IL10RB: variants seen among roughly 807,000 people sequenced by gnomAD.
IL10RB encodes the protein interleukin-10 receptor subunit beta.
IL10RB carries 30 observed loss-of-function variants against 38.7 expected under a neutral mutation model. The observed-to-expected ratio is 0.78, with a 90% confidence interval of 0.58 to 1.05. The LOEUF is 1.05. IL10RB is among the 50% of genes least tolerant of loss of function. The probability of loss-of-function intolerance (pLI) is 0.00; values close to 1 mark genes in which losing one functional copy is unlikely to be tolerated. For synonymous variants in IL10RB, 142 were observed against 145.9 expected (o/e 0.97, Z 0.19); for missense variants, 328 against 397.1 (o/e 0.83, Z 1.48).
intron 3 of IL10RB, among the ~76,000 whole-genome samples, chr21:33,279,205 C>T (rs1311822040): frequency 6.6e-6 from 1 of 152,066 alleles, no homozygotes; most frequent in Admixed American, 6.6e-5. Context: ...AGCATTTGAG[C>T]AGAGACCCAT....
At chr21:33,275,713 C>G (rs1989158418) in intron 2 of IL10RB, among the ~76,000 whole-genome samples, 1 of 152,242 alleles carries the variant, frequency 6.6e-6, no homozygotes, top group Non-Finnish European at 1.5e-5. Flanking sequence ...CTGTTTGGCC[C>G]AAGGGGCCTG....
intron 1 of IL10RB, among the ~76,000 whole-genome samples, chr21:33,307,669 T>C (rs2083002097): frequency 6.6e-6 from 1 of 152,224 alleles, no homozygotes. Context: ...TCCCTAAGCA[T>C]GGAACACTTT....
At chr21:33,282,691 C>T (rs974086208) in intron 4 of IL10RB, among the ~76,000 whole-genome samples, 9 of 152,070 alleles carry the variant, frequency 5.9e-5, no homozygotes, top group African/African-American at 2.2e-4. Flanking sequence ...TCAAGCGATT[C>T]TCGTGCGCCA....
At chr21:33,303,571 T>G (rs1157799075) in intron 1 of IL10RB, among the ~76,000 whole-genome samples, 1 of 152,170 alleles carries the variant, frequency 6.6e-6, no homozygotes, top group Non-Finnish European at 1.5e-5. Flanking sequence ...GCCAGGCTGG[T>G]ATCGAACTCC....
Position 33,288,199 on chromosome 21 carries a change from G to T in IL10RB, c.742G>T (p.Val248Phe). Residue 248 changes from valine (V) to phenylalanine (F), a missense_variant, in exon 6 of 7, where the codon GTT (valine) becomes TTT (phenylalanine). Coordinates refer to ENST00000290200, the MANE Select transcript of IL10RB (RefSeq NM_000628.5). The part of the protein sequence containing the change: ...LLGCFALLWC[V>F]YKKTKYAFSP... Reference sequence around the variant, plus strand: ...CGGCTGCTTCGCCTTGCTGTGGTGCGTTTACAAGAAGACAAAGTACGCCTT... The same window carrying T: ...CGGCTGCTTCGCCTTGCTGTGGTGCTTTTACAAGAAGACAAAGTACGCCTT... 6.2e-7 allele frequency: 1 copy of T among 1,613,998 alleles called. No homozygotes were observed.
At chr21:33,291,742 T>C (rs1989491918) in intron 6 of IL10RB, among the ~76,000 whole-genome samples, 1 of 152,126 alleles carries the variant, frequency 6.6e-6, no homozygotes, top group Non-Finnish European at 1.5e-5. Flanking sequence ...TCCAGAGTGG[T>C]GCAAGAGTCG....
intron 6 of IL10RB, among the ~76,000 whole-genome samples, chr21:33,295,503 C>G (rs1464836061): frequency 6.6e-6 from 1 of 151,056 alleles, no homozygotes; most frequent in African/African-American, 2.4e-5. Flanking sequence ...GAAACCCCAT[C>G]TCTACTAAAA....
chr21:33,295,357 G>GA (rs59137986), intron 6 of IL10RB, among the ~76,000 whole-genome samples: 697 of 55,566 alleles, frequency 0.013, 5 homozygotes, highest in South Asian at 0.024. Context: ...GACTCCGTCT[G>GA]AAAAAAAAAA....
chr21:33,296,071 A>G, intron 6 of IL10RB, 113 bp from the exon 7 acceptor site: 1 of 720,808 alleles, frequency 1.4e-6, no homozygotes, highest in South Asian at 2.0e-5. Flanking sequence ...ATTAAAAATA[A>G]ATAAATAAAA....
At chr21:33,297,229 A>G (rs982600582), downstream of IL10RB, 5 of 152,498 alleles carry the variant, frequency 3.3e-5, no homozygotes, top group African/African-American at 1.2e-4. Flanking sequence ...ATATGTGTTC[A>G]TGATACTACC....
chr21:33,303,685 C>T (rs1294087738), intron 1 of IL10RB, among the ~76,000 whole-genome samples: 1 of 152,170 alleles, frequency 6.6e-6, no homozygotes, highest in Non-Finnish European at 1.5e-5. Flanking sequence ...CCACTCTCTC[C>T]AGATTAGCTG....
At chr21:33,270,916 C>G (rs1356810616) in intron 2 of IL10RB, among the ~76,000 whole-genome samples, 2 of 151,778 alleles carry the variant, frequency 1.3e-5, no homozygotes, top group African/African-American at 4.8e-5. Flanking sequence ...CTCAAGTGAT[C>G]CACCTGCCTC....
At chr21:33,302,322 C>A (rs1164543871) in intron 1 of IL10RB, among the ~76,000 whole-genome samples, 1 of 152,248 alleles carries the variant, frequency 6.6e-6, no homozygotes, top group Non-Finnish European at 1.5e-5. Context: ...CAGGAGACTT[C>A]TTTCATTTCT....
At chr21:33,279,651 G>A (rs1989242687) in intron 3 of IL10RB, 101 bp from the exon 4 acceptor site, 1 of 968,088 alleles carries the variant, frequency 1.0e-6, no homozygotes, top group South Asian at 1.3e-5. Flanking sequence ...TCAAAGCAGT[G>A]TACTTCCGTG....
intron 1 of IL10RB, among the ~76,000 whole-genome samples, chr21:33,303,524 T>C (rs1039895726): frequency 6.6e-6 from 1 of 152,034 alleles, no homozygotes; most frequent in Non-Finnish European, 1.5e-5. Flanking sequence ...CTAGCTAACT[T>C]TTGTATTTTT....
intron 6 of IL10RB, 85 bp from the exon 7 acceptor site, chr21:33,296,099 C>G: frequency 1.1e-6 from 1 of 939,936 alleles, no homozygotes; most frequent in Non-Finnish European, 1.7e-6. Flanking sequence ...GATTTTCCAG[C>G]CAGGAGTTCT....
chr21:33,272,605 C>A (rs970753494), intron 2 of IL10RB, among the ~76,000 whole-genome samples: 2 of 152,168 alleles, frequency 1.3e-5, no homozygotes, highest in African/African-American at 4.8e-5. Flanking sequence ...TGCCACCATA[C>A]CCAAATAATT....
chr21:33,283,250 T>C lies in IL10RB; in HGVS notation c.646+9T>C. 6.2e-7 allele frequency: 1 copy of C among 1,613,232 alleles called. No individual in the cohort carries two copies. Among genetic ancestry groups the C allele is most frequent in the Non-Finnish European group, 8.5e-7 (1 of 1,179,846 alleles). ...GCAAACAACCCATGACGGTAAGCCC[T>C]GAGATGCACCTCCGCTAAGCATCCT... is the stretch of plus-strand genomic sequence containing the variant. On this transcript the variant is annotated intron_variant, in intron 5 of 6. Transcript: ENST00000290200.
In IL10RB at chr21:33,266,449, A is replaced by AC; in HGVS notation, c.-12dup. 1.3e-6 allele frequency: 2 copies of AC among 1,540,092 alleles called. No homozygotes were observed. On this transcript the variant is annotated 5_prime_UTR_variant, in exon 1 of 7. Transcript: ENST00000290200. Reference sequence around the variant, plus strand: ...TCGTGTGCTTGGAGGAAGCCGCGGAACCCCCAGCGTCCGTCCATGGCGTGG... The same window carrying AC: ...TCGTGTGCTTGGAGGAAGCCGCGGAACCCCCCAGCGTCCGTCCATGGCGTGG...
Sources: gnomAD v4.1 joint callset for allele counts (sites outside exome capture counted in the v4.1 genomes callset) on GRCh38, gnomAD v4.1.1 for gene constraint, MANE v1.5 for transcripts, NCBI Gene and HGNC (gene_info 2026-07-23, HGNC 2026-07-21) for gene names.